Variants in TMC3 observed in about 807,000 individuals in gnomAD.
TMC3 encodes transmembrane channel-like protein 3.
Under a neutral mutation model 110.6 loss-of-function variants are expected in TMC3, and 98 were observed. The observed-to-expected ratio is 0.89, with a 90% CI of 0.75 to 1.05. The LOEUF is 1.05. Among genes scored for constraint, TMC3 ranks in the 50% least tolerant of loss-of-function variants. The pLI, the probability that TMC3 is intolerant of heterozygous loss-of-function variation, is 0.00. For missense variants in TMC3, 1,319 were observed against 1,373.2 expected, an observed-to-expected ratio of 0.96 and a Z score of 0.62; for synonymous variants, 489 against 513.1, an observed-to-expected ratio of 0.95 and a Z score of 0.63.
At position 81,351,339 on chromosome 15, in the gene TMC3, T is replaced by C. The variant is rs1019803104; in HGVS notation, c.1083+355A>G. On this transcript the variant is annotated intron_variant, in intron 10 of 21. Transcript: ENST00000359440. Reference sequence around the variant, plus strand: ...GAGGCAGGCTACTTTTCTGTGTCTCTCTCTCTCTCTTTTTTTTTTTTTTTT... The same window carrying C: ...GAGGCAGGCTACTTTTCTGTGTCTCCCTCTCTCTCTTTTTTTTTTTTTTTT... Among the ~76,000 whole-genome samples the C allele has an allele frequency of 2.9e-4, 34 of 119,056 alleles. No homozygotes were observed. The South Asian group carries it at 7.0e-3, about 25-fold the overall frequency. The allele number at this position is 119,056 out of a possible 152,430, so 78.1% of individuals were successfully genotyped here.
intron 1 of TMC3, among the ~76,000 whole-genome samples, chr15:81,373,612 TGAAGGCTTTTC>T (rs1406954209): frequency 2.0e-5 from 3 of 152,232 alleles, no homozygotes; most frequent in Non-Finnish European, 2.9e-5. Context: ...CTAACTAGCC[TGAAGGCTTTTC>T]CAATAAACAC....
chr15:81,367,896 A>G (rs6495569), intron 3 of TMC3, among the ~76,000 whole-genome samples: 44,067 of 152,070 alleles, frequency 0.29, 9,252 homozygotes, highest in African/African-American at 0.6. Context: ...TCTGGAGACC[A>G]CAGTGCTCAC....
chr15:81,373,526 T>C (rs1178690676), intron 1 of TMC3, among the ~76,000 whole-genome samples: 1 of 152,220 alleles, frequency 6.6e-6, no homozygotes, highest in East Asian at 1.9e-4. Context: ...TTTTTTTCAA[T>C]TTCACCAAAT....
rs1038821090 is a variant in TMC3 at position 81,355,594 on chromosome 15, A to G, written c.935+131T>C. On this transcript the variant is annotated intron_variant, in intron 9 of 21. Transcript: ENST00000359440. The stretch of plus-strand genomic sequence containing the variant: ...AAATCATTCAGTTCCCTCAGATCAC[A>G]TTATGAGAAAGGAAGAAAGAAGAGC... 11 of 699,338 alleles carry G rather than the reference A, an allele frequency of 1.6e-5. No homozygotes were observed. The African/African-American group carries it at 1.6e-4, about 10-fold the overall frequency. The allele number at this position is 699,338 out of a possible 1,614,324, so 43.3% of individuals were successfully genotyped here.
chr15:81,349,945 A>C (rs8037552), intron 10 of TMC3, among the ~76,000 whole-genome samples: 20,665 of 144,818 alleles, frequency 0.14, 3,009 homozygotes, highest in African/African-American at 0.38. Flanking sequence ...CAACACAGCA[A>C]GACCCCATCT....
chr15:81,334,643 C>T (rs1003748103), intron 21 of TMC3, 77 bp downstream of exon 21: 1 of 1,511,614 alleles, frequency 6.6e-7, no homozygotes, highest in Non-Finnish European at 8.9e-7. Context: ...ATTTAATGGC[C>T]TTGGCCTCCT....
At chr15:81,340,118 G>T (rs1380469857) in intron 16 of TMC3, among the ~76,000 whole-genome samples, 1 of 152,182 alleles carries the variant, frequency 6.6e-6, no homozygotes, top group Non-Finnish European at 1.5e-5. Flanking sequence ...GATCTGTTTG[G>T]TGTGCAAGGC....
intron 9 of TMC3, among the ~76,000 whole-genome samples, chr15:81,352,837 G>GTTTC (rs1402890190): frequency 2.6e-5 from 4 of 152,186 alleles, no homozygotes; most frequent in African/African-American, 9.7e-5. Context: ...TTGTTTGTTT[G>GTTTC]AGATGGCATT....
At chr15:81,340,233 TCTC>T (rs1893685780) in intron 16 of TMC3, among the ~76,000 whole-genome samples, 2 of 148,618 alleles carry the variant, frequency 1.3e-5, no homozygotes, top group Admixed American at 1.3e-4. Flanking sequence ...TGTCTCTCTC[TCTC>T]TCTCTCTCTC....
At chr15:81,354,508 G>A (rs546109607) in intron 9 of TMC3, among the ~76,000 whole-genome samples, 4 of 152,208 alleles carry the variant, frequency 2.6e-5, no homozygotes, top group Non-Finnish European at 5.9e-5. Context: ...CCTCTTGGTT[G>A]CACGTGCATG....
intron 2 of TMC3, 84 bp downstream of exon 2, chr15:81,372,503 GTCTT>G: frequency 3.9e-6 from 6 of 1,534,050 alleles, no homozygotes; most frequent in Non-Finnish European, 3.6e-6. Context: ...TCTCACATGA[GTCTT>G]TATCCTCGTT....
intron 3 of TMC3, among the ~76,000 whole-genome samples, chr15:81,363,927 C>CT (rs748424761): frequency 3.5e-4 from 53 of 152,270 alleles, no homozygotes; most frequent in Non-Finnish European, 6.0e-4. Flanking sequence ...GCCCTGAAGT[C>CT]TAAGAAGCAC....
intron 2 of TMC3, 59 bp downstream of exon 2, chr15:81,372,532 A>AAGGTGG: frequency 6.2e-7 from 1 of 1,603,616 alleles, no homozygotes; most frequent in Non-Finnish European, 8.5e-7. Context: ...TGGGCAAGGC[A>AAGGTGG]AGGTGGTTTA....
chr15:81,371,866 TG>T (rs1894440822), intron 2 of TMC3, among the ~76,000 whole-genome samples: 1 of 152,178 alleles, frequency 6.6e-6, no homozygotes, highest in Non-Finnish European at 1.5e-5. Flanking sequence ...GAGAGCTTAG[TG>T]GTTGACATTT....
At chr15:81,352,889 G>A (rs750081853) in intron 9 of TMC3, among the ~76,000 whole-genome samples, 5 of 152,266 alleles carry the variant, frequency 3.3e-5, no homozygotes, top group Admixed American at 1.3e-4. Flanking sequence ...GCACAATCTC[G>A]GCTCACTGCG....
At chr15:81,359,093 T>G (rs773927514) in intron 5 of TMC3, among the ~76,000 whole-genome samples, 15 of 152,206 alleles carry the variant, frequency 9.9e-5, no homozygotes, top group Non-Finnish European at 2.1e-4. Flanking sequence ...AAATAAAATT[T>G]TATTGAAACA....
At chr15:81,353,648 T>C (rs184325927) in intron 9 of TMC3, among the ~76,000 whole-genome samples, 2 of 152,364 alleles carry the variant, frequency 1.3e-5, no homozygotes, top group East Asian at 3.9e-4. Flanking sequence ...CAATTGGCTA[T>C]ACTATATAGC....
chr15:81,368,351 G>A (rs774754414), intron 2 of TMC3, 23 bp from the exon 3 acceptor site: 14 of 1,589,876 alleles, frequency 8.8e-6, no homozygotes, highest in East Asian at 2.2e-5. Context: ...AAACATGATG[G>A]TGAACACAAT....
chr15:81,360,055 A>T (rs1256863304), intron 4 of TMC3, among the ~76,000 whole-genome samples: 3 of 152,154 alleles, frequency 2.0e-5, no homozygotes, highest in Admixed American at 6.6e-5. Context: ...TCAGATGAGG[A>T]TGTAGGCAAC....
Sources: gnomAD v4.1 joint callset for allele counts (sites outside exome capture counted in the v4.1 genomes callset) on GRCh38, gnomAD v4.1.1 for gene constraint, MANE v1.5 for transcripts, NCBI Gene and HGNC (gene_info 2026-07-23, HGNC 2026-07-21) for gene names.